The following MTTP variants were observed in gnomAD, a reference collection of about 807,000 sequenced individuals.
MTTP encodes microsomal triglyceride transfer protein large subunit.
MTTP carries 49 observed loss-of-function variants against 90.6 expected under a neutral mutation model. The ratio of observed to expected loss-of-function variants is 0.54; its 90% CI spans 0.43 to 0.69. MTTP has a LOEUF of 0.69. Ranked by LOEUF, MTTP falls within the 30% of genes least tolerant of loss-of-function variation. The pLI is 0.00. For missense variants in MTTP, 945 were observed against 1,067.5 expected, an observed-to-expected ratio of 0.89 and a Z score of 1.60; for synonymous variants, 347 against 384.2, an observed-to-expected ratio of 0.90 and a Z score of 1.13.
At chr4:99,600,920 C>T (rs1435761317) in intron 9 of MTTP, among the ~76,000 whole-genome samples, 187 bp downstream of exon 9, 1 of 151,956 alleles carries the variant, frequency 6.6e-6, no homozygotes, top group Non-Finnish European at 1.5e-5. Flanking sequence ...CAGTTAGTGC[C>T]TTTTTCGTAA....
chr4:99,608,819 G>A lies in MTTP; in HGVS notation c.1611G>A (p.Lys537=). 6.2e-7 allele frequency: 1 copy of A among 1,614,154 alleles called. No homozygotes were observed. Among genetic ancestry groups the A allele is most frequent in the Non-Finnish European group, 8.5e-7 (1 of 1,180,024 alleles). Residue 537 remains lysine (K), a synonymous_variant, in exon 12 of 18, where the codon AAG becomes AAA. Coordinates refer to ENST00000265517, the MANE Select transcript of MTTP (RefSeq NM_001386140.1). ...ACCAAAACCGTAAAGTTCATGAAAA[G>A]ACTGTGCGCACTGCTGCAGCTGCTA... The part of the protein sequence containing the change: ...IYHQNRKVHE[K]TVRTAAAAII...
intron 1 of MTTP, among the ~76,000 whole-genome samples, chr4:99,565,032 C>CA (rs1282207125): frequency 6.6e-6 from 1 of 152,122 alleles, no homozygotes; most frequent in Non-Finnish European, 1.5e-5. Flanking sequence ...TGAGCACTGG[C>CA]AAAAAAGTCT....
intron 12 of MTTP, 130 bp downstream of exon 12, chr4:99,609,107 A>G (rs1266943820): frequency 2.2e-6 from 2 of 899,048 alleles, no homozygotes; most frequent in African/African-American, 3.3e-5. Context: ...AGAGTGCCAG[A>G]TTTCCCATAA....
intron 17 of MTTP, among the ~76,000 whole-genome samples, chr4:99,621,918 G>A (rs1010486275): frequency 7.2e-5 from 11 of 152,052 alleles, no homozygotes; most frequent in African/African-American, 1.4e-4. Flanking sequence ...GTTGACCTAC[G>A]GTAAGCATAA....
chr4:99,596,108 A>G (rs1268028936), intron 7 of MTTP, among the ~76,000 whole-genome samples: 6 of 152,164 alleles, frequency 3.9e-5, no homozygotes, highest in Non-Finnish European at 2.9e-5. Context: ...ATGACCCAGT[A>G]AATCTTTAGC....
chr4:99,572,930 A>G (rs1227800482), upstream of MTTP, among the ~76,000 whole-genome samples: 1 of 152,186 alleles, frequency 6.6e-6, no homozygotes, highest in African/African-American at 2.4e-5. Context: ...CAGCAGAAGC[A>G]GCCTTATTTG....
In MTTP at chr4:99,611,365, A is replaced by G. The variant is rs1340005490; in HGVS notation, c.1901A>G (p.Asp634Gly). ...CGTTCGGCATCTACTTACAGCCTAG[A>G]CATTCTCTACTCGGGTTCTGGCATT... ...SPRSASTYSL[D>G]ILYSGSGILR... Residue 634 changes from aspartate (D) to glycine (G), a missense_variant, in exon 14 of 18, where the codon GAC becomes GGC. By Grantham distance (94) the Asp-to-Gly change is moderately conservative. Transcript: ENST00000265517. The G allele has an allele frequency of 8.1e-6, 13 of 1,614,068 alleles. No individual in the cohort carries two copies. The highest frequency in any genetic ancestry group is 1.7e-5 in the Admixed American group (1 of 60,010).
intron 1 of MTTP, among the ~76,000 whole-genome samples, chr4:99,567,032 A>T (rs1455295134): frequency 6.6e-6 from 1 of 152,232 alleles, no homozygotes; most frequent in African/African-American, 2.4e-5. Flanking sequence ...CCATTTTTAA[A>T]CATGACTTGA....
At chr4:99,577,299 CAGGTT>C (rs1364434161) in intron 1 of MTTP, among the ~76,000 whole-genome samples, 1 of 151,928 alleles carries the variant, frequency 6.6e-6, no homozygotes, top group African/African-American at 2.4e-5. Context: ...TGTTGAAGGG[CAGGTT>C]AGAATCTAAA....
At chr4:99,614,910 G>T (rs953649839) in intron 15 of MTTP, among the ~76,000 whole-genome samples, 1 of 152,244 alleles carries the variant, frequency 6.6e-6, no homozygotes, top group Non-Finnish European at 1.5e-5. Context: ...ACAAAGAGCA[G>T]TGCGTCTTGT....
intron 1 of MTTP, among the ~76,000 whole-genome samples, chr4:99,568,612 A>G (rs1477427495): frequency 1.3e-5 from 2 of 152,166 alleles, no homozygotes; most frequent in Middle Eastern, 3.2e-3. Context: ...GAAACCAGAG[A>G]TTCTTGGAGA....
chr4:99,602,896 A>G (rs1725730948), intron 10 of MTTP, among the ~76,000 whole-genome samples: 1 of 152,186 alleles, frequency 6.6e-6, no homozygotes, highest in Admixed American at 6.5e-5. Context: ...AAAATATTCT[A>G]CCATCCTCAA....
At chr4:99,574,329 G>A (rs1042053215), upstream of MTTP, among the ~76,000 whole-genome samples, 6 of 152,188 alleles carry the variant, frequency 3.9e-5, no homozygotes, top group East Asian at 3.9e-4. Context: ...GAAGTGATTG[G>A]TGGTGGTATG....
At chr4:99,603,141 G>A (rs779755438) in intron 10 of MTTP, among the ~76,000 whole-genome samples, 7 of 152,096 alleles carry the variant, frequency 4.6e-5, no homozygotes, top group Non-Finnish European at 8.8e-5. Context: ...AAGGCCCAAA[G>A]TCAAAATAGG....
At chr4:99,588,762 T>C (rs1345830510) in intron 3 of MTTP, among the ~76,000 whole-genome samples, 3 of 83,142 alleles carry the variant, frequency 3.6e-5, no homozygotes, top group African/African-American at 1.4e-4. Context: ...TATACACACA[T>C]ATATATATGT....
intron 1 of MTTP, among the ~76,000 whole-genome samples, chr4:99,580,558 G>A (rs1725078192): frequency 1.1e-5 from 1 of 90,526 alleles, no homozygotes; most frequent in Non-Finnish European, 2.0e-5. Context: ...CTGGCCGACA[G>A]AGTGAGACTC....
chr4:99,568,333 T>C (rs934031248), intron 1 of MTTP, among the ~76,000 whole-genome samples: 74 of 152,262 alleles, frequency 4.9e-4, no homozygotes, highest in African/African-American at 1.7e-3. Context: ...AAGGTTAACA[T>C]GCAAAAGTCA....
At chr4:99,616,571 G>A (rs774658069) in intron 15 of MTTP, among the ~76,000 whole-genome samples, 9 of 152,076 alleles carry the variant, frequency 5.9e-5, no homozygotes, top group Non-Finnish European at 1.2e-4. Context: ...AGAGCTTTGG[G>A]CACACAGTAT....
upstream of MTTP, among the ~76,000 whole-genome samples, chr4:99,572,717 G>A (rs528945635): frequency 7.9e-5 from 12 of 151,962 alleles, no homozygotes; most frequent in Non-Finnish European, 1.5e-4. Flanking sequence ...GTGCTCACAT[G>A]TTTGCACAGT....
Sources: gnomAD v4.1 joint callset for allele counts (sites outside exome capture counted in the v4.1 genomes callset) on GRCh38, gnomAD v4.1.1 for gene constraint, MANE v1.5 for transcripts, NCBI Gene and HGNC (gene_info 2026-07-23, HGNC 2026-07-21) for gene names.